ZMYND11: variants seen among roughly 807,000 people sequenced by gnomAD.
The protein encoded by ZMYND11 is zinc finger MYND-type containing 11, also known as zinc finger MYND domain-containing protein 11.
A neutral mutation model predicts 84.9 loss-of-function variants in ZMYND11; 9 were observed. The observed-to-expected ratio is 0.11, with a 90% CI of 0.06 to 0.18. The LOEUF is 0.18. Among genes scored for constraint, ZMYND11 ranks in the 10% least tolerant of loss-of-function variants. The probability of loss-of-function intolerance (pLI) is 1.00; values close to 1 mark genes in which losing one functional copy is unlikely to be tolerated. For missense variants in ZMYND11, 409 were observed against 761.0 expected, an observed-to-expected ratio of 0.54 and a Z score of 5.44; for synonymous variants, 250 against 244.1, an observed-to-expected ratio of 1.02 and a Z score of -0.23.
intron 1 of ZMYND11, among the ~76,000 whole-genome samples, chr10:142,595 A>G (rs1554754233): frequency 1.3e-5 from 2 of 152,114 alleles, no homozygotes; most frequent in African/African-American, 4.8e-5. Flanking sequence ...TGACTACCAC[A>G]CCTGTAACCT....
In ZMYND11 at chr10:217,319, G is replaced by C. The variant is rs191166777; in HGVS notation, c.277-3876G>C. On this transcript the variant is annotated intron_variant, in intron 3 of 14. Transcript: ENST00000381604. Reference sequence around the variant, plus strand: ...GCAGATTGCCCAAGCTTAGGAGTTTGAGATCGGCCTGGGTAACATGGCGAA... The same window carrying C: ...GCAGATTGCCCAAGCTTAGGAGTTTCAGATCGGCCTGGGTAACATGGCGAA... 3.3e-3 allele frequency among the ~76,000 whole-genome samples: 498 copies of C among 152,220 alleles called. 5 individuals are homozygous for C. The highest frequency in any genetic ancestry group is 0.011 in the African/African-American group (452 of 41,546).
chr10:248,431 G>C lies in ZMYND11; in HGVS notation c.1323G>C (p.Lys441Asn). ...AAGTCTCCGTGTCAACTCAGACAAA[G>C]AAGTTAAGTGCCTCTTCACCAAGAA... ...IEKVSVSTQT[K>N]KLSASSPRML... Residue 441 changes from lysine (K) to asparagine (N), a missense_variant, in exon 13 of 15, where the codon AAG becomes AAC. This residue lies in a region of ZMYND11 where 141 missense variants were observed against 173.8 expected (regional missense o/e 0.81). Transcript: ENST00000381604. The C allele has an allele frequency of 1.2e-6, 2 of 1,614,160 alleles. No individual in the cohort carries two copies. The highest frequency in any genetic ancestry group is 1.3e-5 in the African/African-American group (1 of 75,020).
chr10:252,461 GA>G lies in ZMYND11; in HGVS notation c.1804del (p.Arg602AspfsTer44). On this transcript the variant is annotated frameshift_variant, in exon 15 of 15. Coordinates refer to ENST00000381604, the MANE Select transcript of ZMYND11 (RefSeq NM_001370100.5). LOFTEE classifies it high-confidence loss of function. This position sits in a 1 kb window ranked among gnomAD's most constrained non-coding sequence, Gnocchi z 4.6. The part of the protein sequence containing the change: ...HAEHKRTCRR[K>X]R ...CGGAGCACAAGCGCACCTGCCGCCG[GA>G]AAAGATGAAGCTGGCCCTTCCCGGA... 6.2e-7 allele frequency: 1 copy of G among 1,611,462 alleles called. No individual in the cohort carries two copies.
chr10:187,595 C>A (rs576081467), intron 2 of ZMYND11, among the ~76,000 whole-genome samples: 1 of 151,416 alleles, frequency 6.6e-6, no homozygotes, highest in Non-Finnish European at 1.5e-5. Context: ...GATTGCGCCA[C>A]TGCAATCCGG....
intron 2 of ZMYND11, among the ~76,000 whole-genome samples, chr10:206,097 C>T (rs1208080862): frequency 6.6e-6 from 1 of 151,726 alleles, no homozygotes; most frequent in South Asian, 2.1e-4. Context: ...CGGTGGCTCA[C>T]GCCTGTAATC....
chr10:149,514 G>C (rs957339106), intron 1 of ZMYND11, among the ~76,000 whole-genome samples: 21 of 151,854 alleles, frequency 1.4e-4, no homozygotes, highest in African/African-American at 5.1e-4. Flanking sequence ...GTTTCACCGG[G>C]TTAGCCAGGA....
chr10:199,298 C>T (rs1464382633), intron 2 of ZMYND11, among the ~76,000 whole-genome samples: 2 of 44,262 alleles, frequency 4.5e-5, no homozygotes, highest in South Asian at 1.7e-3. Flanking sequence ...TCCCTCACTC[C>T]CTCCCTCTCT....
At chr10:245,042 A>C (rs1951837113) in intron 10 of ZMYND11, among the ~76,000 whole-genome samples, 1 of 152,234 alleles carries the variant, frequency 6.6e-6, no homozygotes, top group Admixed American at 6.5e-5. Flanking sequence ...GAAATCAGTA[A>C]ATATCTGTTG....
Position 249,294 on chromosome 10 carries a change from G to A in ZMYND11, c.1686+206G>A, listed in dbSNP as rs1314655700. 6 of 1,392,590 alleles carry A rather than the reference G, an allele frequency of 4.3e-6. No homozygotes were observed. The East Asian group carries it at 1.6e-4, about 37-fold the overall frequency. 86.3% of individuals were successfully genotyped at this position (1,392,590 alleles called of 1,614,324 possible). ...TCCCATATTACTGTGTACTGCTCAG[G>A]ATTATTTTGTTAAATTGAGATTATA... On this transcript the variant is annotated intron_variant, in intron 14 of 14. Transcript: ENST00000381604.
chr10:250,225 G>A (rs1377830665), intron 14 of ZMYND11, among the ~76,000 whole-genome samples: 2 of 152,216 alleles, frequency 1.3e-5, no homozygotes, highest in African/African-American at 4.8e-5. Flanking sequence ...TCTCCCCCCA[G>A]CTTCTCAACT....
At chr10:174,319 C>T (rs1002759573) in intron 1 of ZMYND11, among the ~76,000 whole-genome samples, 9 of 152,156 alleles carry the variant, frequency 5.9e-5, no homozygotes, top group Non-Finnish European at 1.2e-4. Context: ...CTGTATGATT[C>T]CAACTGTGTG....
intron 1 of ZMYND11, among the ~76,000 whole-genome samples, chr10:153,512 T>A (rs943395416): frequency 6.6e-6 from 1 of 152,270 alleles, no homozygotes; most frequent in African/African-American, 2.4e-5. Flanking sequence ...AAGAGTTTCC[T>A]TTTCTTTTTT....
chr10:189,200 G>T (rs1939635728), intron 2 of ZMYND11, among the ~76,000 whole-genome samples: 2 of 152,192 alleles, frequency 1.3e-5, no homozygotes. Context: ...TGTCGCTACA[G>T]ATATACATAA....
At chr10:181,541 C>G (rs571135652) in intron 2 of ZMYND11, among the ~76,000 whole-genome samples, 1 of 152,232 alleles carries the variant, frequency 6.6e-6, no homozygotes, top group East Asian at 1.9e-4. Flanking sequence ...ATCACTTGAG[C>G]CTGGGAGGCA....
At chr10:170,600 G>C (rs1451568154) in intron 1 of ZMYND11, among the ~76,000 whole-genome samples, 1 of 152,112 alleles carries the variant, frequency 6.6e-6, no homozygotes, top group Non-Finnish European at 1.5e-5. Context: ...CCATGAAGCA[G>C]TATAATGTTA....
chr10:192,592 A>G (rs1355305647), intron 2 of ZMYND11, among the ~76,000 whole-genome samples: 1 of 152,206 alleles, frequency 6.6e-6, no homozygotes, highest in Non-Finnish European at 1.5e-5. Flanking sequence ...AGAAAGAGAA[A>G]TTCCTCCCTG....
At chr10:248,075 A>T (rs1952546139) in intron 12 of ZMYND11, among the ~76,000 whole-genome samples, 1 of 152,210 alleles carries the variant, frequency 6.6e-6, no homozygotes, top group Non-Finnish European at 1.5e-5. Context: ...TTGATAAGTA[A>T]AATTATAAAT....
At position 237,591 on chromosome 10, in the gene ZMYND11, G is replaced by A. The variant is rs1404768675; in HGVS notation, c.523G>A (p.Asp175Asn). ...IVSRMKERAI[D>N]LNKKGKDNKH... ...TGTACTAACACCCTCTTAGGCTATA[G>A]ATCTTAATAAAAAGGGGAAGGACAA... Residue 175 changes from aspartate to asparagine, a missense_variant, in exon 6 of 15, where the codon GAT (aspartate) becomes AAT (asparagine). Coordinates refer to ENST00000381604, the MANE Select transcript of ZMYND11 (RefSeq NM_001370100.5). 1 of 1,610,380 alleles carries A rather than the reference G, an allele frequency of 6.2e-7. No homozygotes were observed. Among genetic ancestry groups the A allele is most frequent in the Non-Finnish European group, 8.5e-7 (1 of 1,177,830 alleles).
At chr10:244,999 A>G (rs1413027346) in intron 10 of ZMYND11, among the ~76,000 whole-genome samples, 1 of 152,234 alleles carries the variant, frequency 6.6e-6, no homozygotes, top group East Asian at 1.9e-4. Context: ...AAAGTGAACA[A>G]ACCACTTTTA....
Sources: gnomAD v4.1 joint callset for allele counts (sites outside exome capture counted in the v4.1 genomes callset) on GRCh38, gnomAD v4.1.1 for gene constraint, gnomAD v4.1.1 regional missense constraint, Gnocchi (gnomAD v3.1) non-coding constraint, MANE v1.5 for transcripts, NCBI Gene and HGNC (gene_info 2026-07-23, HGNC 2026-07-21) for gene names.